Variants in SUFU observed in about 807,000 individuals in gnomAD.
The protein encoded by SUFU is suppressor of fused homolog.
In SUFU, 7 loss-of-function variants were observed where a neutral mutation model predicts 58.9. The observed-to-expected ratio is 0.12, with a 90% CI of 0.07 to 0.22. The LOEUF (loss-of-function observed/expected upper bound fraction) is 0.22. Among genes scored for constraint, SUFU ranks in the 10% least tolerant of loss-of-function variants. The probability of loss-of-function intolerance (pLI) is 1.00; values close to 1 mark genes in which losing one functional copy is unlikely to be tolerated. For missense variants in SUFU, 451 were observed against 641.3 expected (o/e 0.70, Z 3.20); for synonymous variants, 232 against 254.8 (o/e 0.91, Z 0.85).
chr10:102,590,369 G>A (rs555828960), intron 3 of SUFU, among the ~76,000 whole-genome samples: 1 of 151,778 alleles, frequency 6.6e-6, no homozygotes, highest in Admixed American at 6.6e-5. Flanking sequence ...GTTTCACTTT[G>A]TTGGCCAGGC....
intron 3 of SUFU, among the ~76,000 whole-genome samples, chr10:102,577,847 A>T (rs1306407248): frequency 6.7e-6 from 1 of 149,656 alleles, no homozygotes; most frequent in East Asian, 2.0e-4. Context: ...TGCCCGGCTA[A>T]TTTTTTTGTA....
At chr10:102,511,897 A>C (rs766873457) in intron 2 of SUFU, among the ~76,000 whole-genome samples, 12 of 152,116 alleles carry the variant, frequency 7.9e-5, no homozygotes, top group Non-Finnish European at 1.2e-4. Flanking sequence ...TTTTCTGTAG[A>C]GTTGAGGTCT....
At chr10:102,599,591 TC>T (rs2063497327) in intron 8 of SUFU, 47 bp downstream of exon 8, 1 of 1,498,434 alleles carries the variant, frequency 6.7e-7, no homozygotes, top group Non-Finnish European at 9.3e-7. Context: ...ACGACTTTTT[TC>T]TGAAGGGCCT....
chr10:102,550,916 G>GT (rs1209891416), intron 3 of SUFU, among the ~76,000 whole-genome samples: 3 of 151,954 alleles, frequency 2.0e-5, no homozygotes, highest in Middle Eastern at 3.4e-3. Flanking sequence ...TAATTTTTTT[G>GT]TTTTTTTAGT....
At chr10:102,545,976 A>G (rs765634115) in intron 2 of SUFU, among the ~76,000 whole-genome samples, 9 of 152,210 alleles carry the variant, frequency 5.9e-5, no homozygotes, top group Non-Finnish European at 1.0e-4. Context: ...TCGGTCTCAC[A>G]TATAAATAAA....
chr10:102,609,471 A>G (rs894361140), intron 8 of SUFU, among the ~76,000 whole-genome samples: 8 of 152,328 alleles, frequency 5.3e-5, no homozygotes, highest in African/African-American at 1.9e-4. Context: ...AAAAGCTGAA[A>G]CTCAAGAACT....
intron 2 of SUFU, among the ~76,000 whole-genome samples, chr10:102,541,720 T>TTC: frequency 2.1e-5 from 3 of 143,992 alleles, no homozygotes; most frequent in Admixed American, 7.0e-5. Context: ...TTTTTTTTTT[T>TTC]TCCTTTTGAG....
At chr10:102,584,692 A>G (rs1382166591) in intron 3 of SUFU, among the ~76,000 whole-genome samples, 2 of 152,298 alleles carry the variant, frequency 1.3e-5, no homozygotes, top group East Asian at 3.9e-4. Flanking sequence ...TTCCTTATTT[A>G]GTATAGTGAT....
rs190601259 is a variant in SUFU at position 102,563,880 on chromosome 10, G to A, written c.454+13774G>A. Among the ~76,000 whole-genome samples, 303 of 152,234 alleles carry A rather than the reference G, an allele frequency of 2.0e-3. 1 individual carries two copies. The highest frequency in any genetic ancestry group is 6.5e-3 in the African/African-American group (269 of 41,520). On this transcript the variant is annotated intron_variant, in intron 3 of 11. Coordinates refer to ENST00000369902, the MANE Select transcript of SUFU (RefSeq NM_016169.4). The stretch of plus-strand genomic sequence containing the variant: ...AGAAGGGACAGGGGCTGCTGCAGCA[G>A]TTGGAGCGCAGCCCTCAGGGTCATG...
At chr10:102,618,351 G>A (rs1156847934) in intron 10 of SUFU, 1 of 152,428 alleles carries the variant, frequency 6.6e-6, no homozygotes, top group East Asian at 1.9e-4. Flanking sequence ...CACCCAGTCT[G>A]GGGAGTCTGT....
intron 3 of SUFU, among the ~76,000 whole-genome samples, chr10:102,583,918 C>T (rs1315881327): frequency 1.3e-5 from 2 of 152,174 alleles, no homozygotes; most frequent in African/African-American, 4.8e-5. Flanking sequence ...TTTCTACAGA[C>T]TAGACATCAG....
chr10:102,608,411 T>C (rs2063585242), intron 8 of SUFU, among the ~76,000 whole-genome samples: 1 of 151,960 alleles, frequency 6.6e-6, no homozygotes, highest in Non-Finnish European at 1.5e-5. Context: ...CCCTGCCCAG[T>C]GAAAAGAAAG....
At chr10:102,567,859 C>T (rs2063107619) in intron 3 of SUFU, among the ~76,000 whole-genome samples, 1 of 152,086 alleles carries the variant, frequency 6.6e-6, no homozygotes, top group Non-Finnish European at 1.5e-5. Flanking sequence ...CCCAATATCC[C>T]CTAGCCCCAG....
rs10786690 is a variant in SUFU at position 102,597,065 on chromosome 10, A to G, written c.757-75A>G. ...AGGGCTCAGTAAATACTGTAAGAGCAGTGGCTGAAAGGGTGGTCACCTTGG... is the reference window on the plus strand; with the variant it reads ...AGGGCTCAGTAAATACTGTAAGAGCGGTGGCTGAAAGGGTGGTCACCTTGG... On this transcript the variant is annotated intron_variant, in intron 6 of 11. Coordinates refer to ENST00000369902, the MANE Select transcript of SUFU (RefSeq NM_016169.4). 1,546,707 of 1,549,260 alleles carry G rather than the reference A, an allele frequency of 1. 772,102 individuals carry two copies. The highest frequency in any genetic ancestry group is 1 in the Non-Finnish European group (1,121,654 of 1,121,824).
At chr10:102,536,216 C>T (rs980499481) in intron 2 of SUFU, among the ~76,000 whole-genome samples, 6 of 151,882 alleles carry the variant, frequency 4.0e-5, no homozygotes, top group Admixed American at 1.3e-4. Flanking sequence ...CCACCTGCCT[C>T]GGCCTCCCAA....
Position 102,630,322 on chromosome 10 carries a change from CCT to C in SUFU, c.*169_*170del. ...GGGGTGCCATGCACAGGCCACAGGC[CCT>C]CCACCTCACCTCCAGCTCAGGGGCC... On this transcript the variant is annotated 3_prime_UTR_variant, in exon 12 of 12. Coordinates refer to ENST00000369902, the MANE Select transcript of SUFU (RefSeq NM_016169.4). The C allele has an allele frequency of 4.5e-6, 3 of 668,394 alleles. No homozygotes were observed. The highest frequency in any genetic ancestry group is 7.9e-6 in the Non-Finnish European group (3 of 378,324). 41.4% of individuals were successfully genotyped at this position (668,394 alleles called of 1,614,324 possible). A position where few individuals can be genotyped will look rare whatever the true frequency, so the allele number is the denominator to read the frequency against.
At chr10:102,612,406 A>T (rs2063636500) in intron 8 of SUFU, among the ~76,000 whole-genome samples, 1 of 152,080 alleles carries the variant, frequency 6.6e-6, no homozygotes, top group African/African-American at 2.4e-5. Context: ...TCTTCAGATG[A>T]TTAAGTTCTT....
At chr10:102,568,108 TC>T (rs5787466) in intron 3 of SUFU, among the ~76,000 whole-genome samples, 68,660 of 151,504 alleles carry the variant, frequency 0.45, 15,947 homozygotes, top group East Asian at 0.67. Context: ...ATTATTGTTT[TC>T]CCTAATTACA....
chr10:102,592,248 TC>T (rs1398576264), intron 3 of SUFU, among the ~76,000 whole-genome samples: 1 of 152,128 alleles, frequency 6.6e-6, no homozygotes, highest in Non-Finnish European at 1.5e-5. Flanking sequence ...TCTTGGCAGA[TC>T]CAGTCATGGC....
Sources: allele counts gnomAD v4.1 joint callset (sites outside exome capture counted in the v4.1 genomes callset), GRCh38; gene constraint gnomAD v4.1.1; transcripts MANE v1.5; gene names NCBI Gene and HGNC (gene_info 2026-07-23, HGNC 2026-07-21).